Variants in TMEM169 observed in about 807,000 individuals in gnomAD.
TMEM169 encodes transmembrane protein 169.
Under a neutral mutation model 27.3 loss-of-function variants are expected in TMEM169, and 18 were observed. The observed-to-expected ratio is 0.66, with a 90% CI of 0.46 to 0.98. TMEM169 has a LOEUF of 0.98. TMEM169 is among the 50% of genes least tolerant of loss of function. The pLI, the probability that TMEM169 is intolerant of heterozygous loss-of-function variation, is 0.00. For synonymous variants in TMEM169, 136 were observed against 142.1 expected (o/e 0.96, Z 0.30); for missense variants, 320 against 368.6 (o/e 0.87, Z 1.08).
intron 1 of TMEM169, among the ~76,000 whole-genome samples, chr2:216,085,625 C>T (rs1193779346): frequency 1.3e-5 from 2 of 152,146 alleles, no homozygotes; most frequent in African/African-American, 4.8e-5. Context: ...AATCCCAGCA[C>T]TTTGGGAGGC....
chr2:216,086,793 T>A (rs890374111), intron 1 of TMEM169, among the ~76,000 whole-genome samples: 1 of 152,186 alleles, frequency 6.6e-6, no homozygotes, highest in Non-Finnish European at 1.5e-5. Context: ...CCTAGAAAGA[T>A]GAATGAAAAC....
chr2:216,100,386 G>T lies in TMEM169; in HGVS notation c.738G>T (p.Arg246=), dbSNP rs1279509258. The T allele has an allele frequency of 6.2e-7, 1 of 1,613,970 alleles. No homozygotes were observed. The highest frequency in any genetic ancestry group is 1.1e-5 in the South Asian group (1 of 91,074). The change falls in exon 3 of 3, where the codon CGG becomes CGT. Residue 246 remains arginine, a synonymous_variant. Coordinates refer to ENST00000437356, the MANE Select transcript of TMEM169 (RefSeq NM_001142311.2). The part of the protein sequence containing the change: ...WSWEAWWQAA[R]DMEKGFCGWL... ...GGGAAGCATGGTGGCAAGCTGCCCGGGACATGGAGAAAGGCTTCTGTGGCT... is the reference window on the plus strand; with the variant it reads ...GGGAAGCATGGTGGCAAGCTGCCCGTGACATGGAGAAAGGCTTCTGTGGCT...
chr2:216,096,832 T>A (rs1235421837), intron 2 of TMEM169, among the ~76,000 whole-genome samples: 1 of 152,208 alleles, frequency 6.6e-6, no homozygotes, highest in African/African-American at 2.4e-5. Context: ...AACTACTTAA[T>A]GTATGTAAAA....
intron 1 of TMEM169, among the ~76,000 whole-genome samples, chr2:216,091,819 A>C (rs1207878381): frequency 6.6e-6 from 1 of 152,222 alleles, no homozygotes. Context: ...TCAATTGAAC[A>C]GGTTTAAAAC....
At chr2:216,092,091 T>C (rs112313752) in intron 1 of TMEM169, among the ~76,000 whole-genome samples, 21 of 152,328 alleles carry the variant, frequency 1.4e-4, no homozygotes, top group Middle Eastern at 3.4e-3. Flanking sequence ...TTACATTTCA[T>C]ATTTCTTGTC....
chr2:216,102,019 A>T lies in TMEM169; in HGVS notation c.*1477A>T, dbSNP rs916215643. 1 of 152,066 alleles carries T rather than the reference A, an allele frequency of 6.6e-6. No homozygotes were observed. Among genetic ancestry groups the T allele is most frequent in the Non-Finnish European group, 1.5e-5 (1 of 68,028 alleles). The allele number at this position is 152,066 out of a possible 1,614,324, so 9.4% of individuals were successfully genotyped here. ...AATTAAGCTTCTGTAATGTCATGTG[A>T]TTTGTTTTTGGAAAGGAATAGTGGA... is the stretch of plus-strand genomic sequence containing the variant. On this transcript the variant is annotated 3_prime_UTR_variant, in exon 3 of 3. Transcript: ENST00000437356.
intron 1 of TMEM169, among the ~76,000 whole-genome samples, chr2:216,093,295 C>T (rs1439590141): frequency 6.6e-6 from 1 of 151,946 alleles, no homozygotes; most frequent in Non-Finnish European, 1.5e-5. Flanking sequence ...TCATCAATGC[C>T]CAAGGCCTGC....
chr2:216,083,046 T>A (rs1695906076), intron 1 of TMEM169: 1 of 152,290 alleles, frequency 6.6e-6, no homozygotes. Context: ...GTTGGACAGC[T>A]ACACTTCCCT....
rs749308901 is a variant in TMEM169, at chr2:216,100,288, T to G, written c.640T>G (p.Tyr214Asp). ...GTATTGCCCTTGCCTCGTTCTCTTC[T>G]ATCCAGTGCTCATCATGGCCATGGC... ...ISYCPCLVLF[Y>D]PVLIMAMASS... Residue 214 changes from tyrosine to aspartate, a missense_variant, in exon 3 of 3, where the codon TAT (tyrosine) becomes GAT (aspartate). Tyr to Asp is a radical substitution (Grantham distance 160). Coordinates refer to ENST00000437356, the MANE Select transcript of TMEM169 (RefSeq NM_001142311.2). 3.4e-5 allele frequency: 55 copies of G among 1,613,802 alleles called. No individual in the cohort carries two copies. Among genetic ancestry groups the G allele is most frequent in the Non-Finnish European group, 4.6e-5 (54 of 1,180,004 alleles).
At chr2:216,097,670 A>C (rs924786549) in intron 2 of TMEM169, among the ~76,000 whole-genome samples, 2 of 152,224 alleles carry the variant, frequency 1.3e-5, no homozygotes, top group African/African-American at 4.8e-5. Context: ...ATATGCTCAC[A>C]GTGAACAAGA....
intron 1 of TMEM169, among the ~76,000 whole-genome samples, chr2:216,085,490 A>AT (rs530536404): frequency 6.6e-6 from 1 of 152,126 alleles, no homozygotes; most frequent in Admixed American, 6.5e-5. Flanking sequence ...AGATAGGAGC[A>AT]TTTTTTTTAG....
At chr2:216,086,832 G>T (rs749189477) in intron 1 of TMEM169, among the ~76,000 whole-genome samples, 1 of 152,228 alleles carries the variant, frequency 6.6e-6, no homozygotes, top group African/African-American at 2.4e-5. Context: ...TCTATACAAT[G>T]ATATGAAATG....
rs766422942 is a variant in TMEM169 at position 216,100,093 on chromosome 2, G to C, written c.445G>C (p.Ala149Pro). 1.1e-5 allele frequency: 18 copies of C among 1,614,154 alleles called. No homozygotes were observed. Among genetic ancestry groups the C allele is most frequent in the Non-Finnish European group, 1.4e-5 (17 of 1,180,026 alleles). Reference sequence around the variant, plus strand: ...GGAAACGACGCCTGAAGGAAGAATGGCCTGCCAGATGGGAGCTGACCGTGG... The same window carrying C: ...GGAAACGACGCCTGAAGGAAGAATGCCCTGCCAGATGGGAGCTGACCGTGG... ...SRETTPEGRM[A>P]CQMGADRGPH... is the part of the protein sequence containing the mutation. Residue 149 changes from alanine to proline, a missense_variant, in exon 3 of 3, where the codon GCC (alanine) becomes CCC (proline). Ala to Pro is a conservative substitution (Grantham distance 27). Coordinates refer to ENST00000437356, the MANE Select transcript of TMEM169 (RefSeq NM_001142311.2).
chr2:216,094,850 G>A (rs1315024620), intron 1 of TMEM169, among the ~76,000 whole-genome samples: 3 of 152,176 alleles, frequency 2.0e-5, no homozygotes, highest in Admixed American at 2.0e-4. Flanking sequence ...TATTTTAAGG[G>A]GGAAAGTGAA....
intron 1 of TMEM169, among the ~76,000 whole-genome samples, chr2:216,093,218 T>A (rs1696181113): frequency 1.3e-5 from 2 of 151,610 alleles, no homozygotes; most frequent in Admixed American, 1.3e-4. Flanking sequence ...CCCATTCAGT[T>A]TCCTCTGGGT....
At chr2:216,090,677 G>T (rs1008094532) in intron 1 of TMEM169, among the ~76,000 whole-genome samples, 1 of 152,192 alleles carries the variant, frequency 6.6e-6, no homozygotes, top group Non-Finnish European at 1.5e-5. Context: ...CTATAGGCAG[G>T]AAGCAGGTAG....
At chr2:216,097,072 ACG>A (rs1329749115) in intron 2 of TMEM169, among the ~76,000 whole-genome samples, 7 of 152,252 alleles carry the variant, frequency 4.6e-5, no homozygotes, top group African/African-American at 1.4e-4. Flanking sequence ...AAACTTGTCA[ACG>A]TTTATTAAAT....
In TMEM169 at chr2:216,100,314, T is replaced by C; in HGVS notation, c.666T>C (p.Ala222=). 1 of 1,613,986 alleles carries C rather than the reference T, an allele frequency of 6.2e-7. No homozygotes were observed. Among genetic ancestry groups the C allele is most frequent in the Non-Finnish European group, 8.5e-7 (1 of 1,180,008 alleles). ...LFYPVLIMAM[A]SSLGLYAAVV... ...ATCCAGTGCTCATCATGGCCATGGC[T>C]TCTTCCCTCGGCCTCTACGCTGCTG... The change falls in exon 3 of 3, where the codon GCT becomes GCC. Residue 222 remains alanine (A), a synonymous_variant. Coordinates refer to ENST00000437356, the MANE Select transcript of TMEM169 (RefSeq NM_001142311.2).
At chr2:216,089,469 T>G (rs771095609) in intron 1 of TMEM169, among the ~76,000 whole-genome samples, 27 of 152,170 alleles carry the variant, frequency 1.8e-4, no homozygotes, top group Admixed American at 5.2e-4. Context: ...TTACTGATTT[T>G]ATTTTTGAGA....
Sources: gnomAD v4.1 joint callset for allele counts (sites outside exome capture counted in the v4.1 genomes callset) on GRCh38, gnomAD v4.1.1 for gene constraint, MANE v1.5 for transcripts, NCBI Gene and HGNC (gene_info 2026-07-23, HGNC 2026-07-21) for gene names.